DYNC1I1: variants seen among roughly 807,000 people sequenced by gnomAD.
The protein encoded by DYNC1I1 is cytoplasmic dynein 1 intermediate chain 1.
Under a neutral mutation model 86.6 loss-of-function variants are expected in DYNC1I1, and 43 were observed. That is an observed-to-expected ratio of 0.50 (90% CI 0.39 to 0.64). The LOEUF (loss-of-function observed/expected upper bound fraction) is 0.64. Among genes scored for constraint, DYNC1I1 ranks in the 30% least tolerant of loss-of-function variants. The probability of loss-of-function intolerance (pLI) is 0.00; values close to 1 mark genes in which losing one functional copy is unlikely to be tolerated. For missense variants in DYNC1I1, 604 were observed against 788.8 expected, an observed-to-expected ratio of 0.77 and a Z score of 2.81; for synonymous variants, 262 against 283.7, an observed-to-expected ratio of 0.92 and a Z score of 0.77.
intron 6 of DYNC1I1, among the ~76,000 whole-genome samples, chr7:95,937,327 A>G (rs971107319): frequency 2.6e-5 from 4 of 152,066 alleles, no homozygotes; most frequent in African/African-American, 9.7e-5. Flanking sequence ...TTCTCACCAC[A>G]TGGACAAAAT....
Position 95,793,176 on chromosome 7 carries a change from A to G in DYNC1I1, c.-9-11545A>G, listed in dbSNP as rs1584228113. Among the ~76,000 whole-genome samples, 3 of 152,290 alleles carry G rather than the reference A, an allele frequency of 2.0e-5. 1 individual carries two copies. In the South Asian group the frequency reaches 6.2e-4, roughly 32 times the overall value. The stretch of plus-strand genomic sequence containing the variant: ...GGAGAGTATTGCAATTGTCAGAAGC[A>G]ATGATGAAGACTGGCCTCATGCAAT... On this transcript the variant is annotated intron_variant, in intron 1 of 16. Transcript: ENST00000447467.
intron 6 of DYNC1I1, among the ~76,000 whole-genome samples, chr7:95,944,597 C>T (rs1792341093): frequency 6.6e-6 from 1 of 152,070 alleles, no homozygotes; most frequent in Non-Finnish European, 1.5e-5. Context: ...CGGCACTATT[C>T]AGAATAGCAA....
intron 14 of DYNC1I1, among the ~76,000 whole-genome samples, chr7:96,050,234 C>T (rs1294887049): frequency 6.6e-6 from 1 of 152,108 alleles, no homozygotes; most frequent in Non-Finnish European, 1.5e-5. Flanking sequence ...GGAATTAGCA[C>T]AGTGAGCAAA....
At chr7:96,035,556 G>A (rs1362023500) in intron 12 of DYNC1I1, 63 bp from the exon 13 acceptor site, 17 of 1,502,744 alleles carry the variant, frequency 1.1e-5, no homozygotes, top group South Asian at 4.2e-5. Flanking sequence ...TGATTTTTCC[G>A]TGCTATCTTT....
chr7:96,055,928 C>T (rs1242586231), intron 14 of DYNC1I1: 1 of 152,182 alleles, frequency 6.6e-6, no homozygotes, highest in Non-Finnish European at 1.5e-5. Context: ...TTGACTTGAT[C>T]TAAGCCCAAG....
At position 95,995,909 on chromosome 7, in the gene DYNC1I1, A is replaced by G. The variant is rs749141419; in HGVS notation, c.844-39A>G. 6.4e-6 allele frequency: 10 copies of G among 1,551,170 alleles called. No individual in the cohort carries two copies. The Admixed American group carries it at 1.2e-4, about 19-fold the overall frequency. On this transcript the variant is annotated intron_variant, in intron 9 of 16. Transcript: ENST00000447467. The stretch of plus-strand genomic sequence containing the variant: ...ATAACAAAGTTTTCCTTGTGTTGTC[A>G]TCTTAGCATAATTCATCCTTGTGAC...
Position 95,995,728 on chromosome 7 carries a change from A to G in DYNC1I1, c.844-220A>G, listed in dbSNP as rs10464488. Among the ~76,000 whole-genome samples, 4 of 152,300 alleles carry G rather than the reference A, an allele frequency of 2.6e-5. No homozygotes were observed. In the East Asian group the frequency reaches 7.7e-4, roughly 29 times the overall value. On this transcript the variant is annotated intron_variant, in intron 9 of 16. Transcript: ENST00000447467. ...TACGGAGAGGTAAAGCGATGTTTGT[A>G]GTTTGATAGTTACCGGTGAGTATGA... is the stretch of plus-strand genomic sequence containing the variant.
At chr7:96,054,059 C>T (rs1232481381) in intron 14 of DYNC1I1, among the ~76,000 whole-genome samples, 2 of 152,182 alleles carry the variant, frequency 1.3e-5, no homozygotes, top group Middle Eastern at 3.4e-3. Context: ...TTGTTATATA[C>T]ACGTGCCATG....
chr7:95,974,570 C>T (rs1271926421), intron 6 of DYNC1I1, among the ~76,000 whole-genome samples: 2 of 152,148 alleles, frequency 1.3e-5, no homozygotes, highest in African/African-American at 4.8e-5. Flanking sequence ...TGGACTCCAG[C>T]CTGGAACAAG....
At position 95,938,064 on chromosome 7, in the gene DYNC1I1, C is replaced by T. The variant is rs1165678384; in HGVS notation, c.491-39448C>T. On this transcript the variant is annotated intron_variant, in intron 6 of 16. Coordinates refer to ENST00000447467, the MANE Select transcript of DYNC1I1 (RefSeq NM_001135556.2). ...TTTGGTGCCTGAGGCTTTCCTTAAG[C>T]GTGCAAAACTTGGGGTGCTTCTCAA... Among the ~76,000 whole-genome samples the T allele has an allele frequency of 5.7e-4, 87 of 152,072 alleles. 2 individuals are homozygous for T. The highest frequency in any genetic ancestry group is 5.6e-3 in the Admixed American group (85 of 15,240).
intron 6 of DYNC1I1, among the ~76,000 whole-genome samples, chr7:95,961,058 A>T (rs781708274): frequency 2.0e-5 from 3 of 152,210 alleles, no homozygotes; most frequent in Non-Finnish European, 4.4e-5. Flanking sequence ...AAAAATTTGG[A>T]TTAGAAGGGG....
intron 5 of DYNC1I1, among the ~76,000 whole-genome samples, chr7:95,860,580 G>A (rs776548689): frequency 3.3e-5 from 5 of 152,088 alleles, no homozygotes; most frequent in Non-Finnish European, 7.3e-5. Flanking sequence ...TTGTCATCTG[G>A]CCAAATAATT....
chr7:96,072,044 A>C (rs1790181828), intron 14 of DYNC1I1, among the ~76,000 whole-genome samples: 1 of 152,208 alleles, frequency 6.6e-6, no homozygotes, highest in African/African-American at 2.4e-5. Context: ...AACTTTCCTG[A>C]ACTGTAATTT....
At chr7:96,035,853 T>C in intron 13 of DYNC1I1, 101 bp downstream of exon 13, 2 of 1,539,530 alleles carry the variant, frequency 1.3e-6, no homozygotes, top group Non-Finnish European at 1.8e-6. Context: ...AAAGCATCTC[T>C]GGAAAAATGG....
At chr7:95,915,698 A>G (rs1791450882) in intron 6 of DYNC1I1, among the ~76,000 whole-genome samples, 1 of 152,210 alleles carries the variant, frequency 6.6e-6, no homozygotes. Flanking sequence ...ACAGAATGCA[A>G]TTCCTCGTTG....
chr7:95,987,580 C>T (rs1327766465), intron 9 of DYNC1I1, among the ~76,000 whole-genome samples: 1 of 152,166 alleles, frequency 6.6e-6, no homozygotes, highest in African/African-American at 2.4e-5. Flanking sequence ...TCCAGGATTT[C>T]TTTTTCCTCT....
At chr7:95,804,441 C>G in intron 1 of DYNC1I1, 1 of 1,185,114 alleles carries the variant, frequency 8.4e-7, no homozygotes, top group Non-Finnish European at 1.1e-6. Flanking sequence ...AAATGTGTTG[C>G]TTATCTGGAA....
At chr7:95,882,064 C>A (rs974459134) in intron 6 of DYNC1I1, among the ~76,000 whole-genome samples, 1 of 152,046 alleles carries the variant, frequency 6.6e-6, no homozygotes, top group African/African-American at 2.4e-5. Context: ...TCCTTCCTTT[C>A]CTATTTCCTT....
At chr7:95,806,409 T>C (rs1794701934) in intron 2 of DYNC1I1, among the ~76,000 whole-genome samples, 1 of 152,184 alleles carries the variant, frequency 6.6e-6, no homozygotes, top group African/African-American at 2.4e-5. Flanking sequence ...GTCTCCCCTT[T>C]TGATTCTACA....
Sources: allele counts gnomAD v4.1 joint callset (sites outside exome capture counted in the v4.1 genomes callset), GRCh38; gene constraint gnomAD v4.1.1; transcripts MANE v1.5; gene names NCBI Gene and HGNC (gene_info 2026-07-23, HGNC 2026-07-21).